DOCK3: variants seen among roughly 807,000 people sequenced by gnomAD.
DOCK3 encodes the protein dedicator of cytokinesis protein 3.
In DOCK3, 60 loss-of-function variants were observed where a neutral mutation model predicts 265.6. The observed-to-expected ratio is 0.23, with a 90% CI of 0.18 to 0.28. The LOEUF is 0.28. DOCK3 is among the 10% of genes least tolerant of loss of function. The probability of loss-of-function intolerance (pLI) is 1.00; values close to 1 mark genes in which losing one functional copy is unlikely to be tolerated. For missense variants in DOCK3, 1,981 were observed against 2,594.3 expected (o/e 0.76, Z 5.14); for synonymous variants, 881 against 938.0 (o/e 0.94, Z 1.11).
At chr3:51,164,040 T>G (rs1381431018) in intron 12 of DOCK3, among the ~76,000 whole-genome samples, 1 of 152,214 alleles carries the variant, frequency 6.6e-6, no homozygotes, top group Non-Finnish European at 1.5e-5. Flanking sequence ...TGCATCATTC[T>G]TTGACACTTT....
chr3:50,877,485 G>T (rs772362882), intron 3 of DOCK3: 1 of 520,036 alleles, frequency 1.9e-6, no homozygotes, highest in South Asian at 1.4e-5. Context: ...TATTTCATTT[G>T]TTCTGTCAGT....
At chr3:51,172,411 C>G (rs1410355190) in intron 12 of DOCK3, among the ~76,000 whole-genome samples, 1 of 152,136 alleles carries the variant, frequency 6.6e-6, no homozygotes, top group Admixed American at 6.5e-5. Flanking sequence ...CTCCTGACCT[C>G]GTCATCTGCC....
chr3:50,971,692 A>C (rs932600629), intron 5 of DOCK3, among the ~76,000 whole-genome samples: 1 of 150,026 alleles, frequency 6.7e-6, no homozygotes, highest in African/African-American at 2.4e-5. Flanking sequence ...TGCTAGACAG[A>C]TAAAGGACTT....
rs368854426 is a variant in DOCK3, at chr3:51,198,527, T to G, written c.1038-10247T>G. ...TCTTAGAGCAGAGGATACAGAGCAG[T>G]GGGGTTTCTTTTGAATGTGATATTA... On this transcript the variant is annotated intron_variant, in intron 12 of 52. Coordinates refer to ENST00000266037, the MANE Select transcript of DOCK3 (RefSeq NM_004947.5). Among the ~76,000 whole-genome samples the G allele has an allele frequency of 2.1e-3, 281 of 135,788 alleles. 5 individuals carry two copies. In the South Asian group the frequency reaches 0.063, roughly 31 times the overall value. The allele number at this position is 135,788 out of a possible 152,430, so 89.1% of individuals were successfully genotyped here. A position where few individuals can be genotyped will look rare whatever the true frequency, so the allele number is the denominator to read the frequency against.
In DOCK3 at chr3:51,280,224, T is replaced by A. The variant is rs1268093524; in HGVS notation, c.2922+20T>A. On this transcript the variant is annotated intron_variant, in intron 27 of 52. Transcript: ENST00000266037. ...CTCAAGGTAGGCAGTAGAACACCTTTCCTCTGGGAGAGGAAGTGTGCAGCC... is the reference window on the plus strand; with the variant it reads ...CTCAAGGTAGGCAGTAGAACACCTTACCTCTGGGAGAGGAAGTGTGCAGCC... 6.2e-7 allele frequency: 1 copy of A among 1,607,008 alleles called. No homozygotes were observed. The highest frequency in any genetic ancestry group is 1.3e-5 in the African/African-American group (1 of 74,808).
intron 3 of DOCK3, among the ~76,000 whole-genome samples, chr3:50,882,077 A>T (rs902935305): frequency 1.3e-5 from 2 of 152,196 alleles, no homozygotes; most frequent in African/African-American, 4.8e-5. Context: ...AGAAAGCTGA[A>T]ACTGGATCCC....
intron 6 of DOCK3, among the ~76,000 whole-genome samples, chr3:51,065,828 G>C (rs1031147883): frequency 6.6e-6 from 1 of 152,156 alleles, no homozygotes; most frequent in African/African-American, 2.4e-5. Flanking sequence ...TTTTAAGTTT[G>C]AATGGACAAT....
chr3:50,814,440 T>C (rs2043951687), intron 2 of DOCK3, among the ~76,000 whole-genome samples: 1 of 152,002 alleles, frequency 6.6e-6, no homozygotes, highest in Admixed American at 6.6e-5. Flanking sequence ...CTAATTTTTT[T>C]TTTTTGGTAG....
rs56084027 is a variant in DOCK3, at chr3:51,281,274, A to AATATATATATATATAT, written c.2922+1087_2922+1102dup. Among the ~76,000 whole-genome samples, 543 of 125,546 alleles carry AATATATATATATATAT rather than the reference A, an allele frequency of 4.3e-3. 10 individuals carry two copies. The highest frequency in any genetic ancestry group is 0.016 in the African/African-American group (519 of 32,748). 82.4% of individuals were successfully genotyped at this position (125,546 alleles called of 152,430 possible). A position where few individuals can be genotyped will look rare whatever the true frequency, so the allele number is the denominator to read the frequency against. Reference sequence around the variant, plus strand: ...ACACTAACGATAGCTGATGAGCTAAAATATATATATATATATATATATATA... The same window carrying AATATATATATATATAT: ...ACACTAACGATAGCTGATGAGCTAAAATATATATATATATATATATATATATATATATATATATATA... On this transcript the variant is annotated intron_variant, in intron 27 of 52. Coordinates refer to ENST00000266037, the MANE Select transcript of DOCK3 (RefSeq NM_004947.5).
intron 9 of DOCK3, among the ~76,000 whole-genome samples, chr3:51,118,618 C>G (rs1248701757): frequency 6.6e-6 from 1 of 152,158 alleles, no homozygotes; most frequent in Non-Finnish European, 1.5e-5. Flanking sequence ...TCCCTAAGAA[C>G]TTGCTTTATG....
At chr3:50,728,326 A>C (rs949409619) in intron 1 of DOCK3, among the ~76,000 whole-genome samples, 2 of 152,208 alleles carry the variant, frequency 1.3e-5, no homozygotes, top group Non-Finnish European at 2.9e-5. Context: ...GCTGAGAAGA[A>C]ATTTTATAGT....
intron 5 of DOCK3, among the ~76,000 whole-genome samples, chr3:50,942,677 T>C (rs2076326792): frequency 6.6e-6 from 1 of 152,034 alleles, no homozygotes; most frequent in Non-Finnish European, 1.5e-5. Flanking sequence ...GTCAAATAAA[T>C]TATTCTAAAA....
At chr3:51,379,459 A>G in intron 51 of DOCK3, 10 of 985,480 alleles carry the variant, frequency 1.0e-5, no homozygotes, top group Non-Finnish European at 1.2e-5. Context: ...CTGTGCCAGC[A>G]GCCCCCAGCA....
intron 5 of DOCK3, among the ~76,000 whole-genome samples, chr3:50,986,180 G>A (rs1286433045): frequency 6.6e-6 from 1 of 152,064 alleles, no homozygotes; most frequent in Non-Finnish European, 1.5e-5. Context: ...AAGAATACAA[G>A]ATAAATGACC....
At chr3:50,893,721 T>C (rs1299669695) in intron 4 of DOCK3, among the ~76,000 whole-genome samples, 1 of 151,864 alleles carries the variant, frequency 6.6e-6, no homozygotes, top group Non-Finnish European at 1.5e-5. Context: ...AGGAAACTTA[T>C]TTAAAGAAAC....
intron 49 of DOCK3, among the ~76,000 whole-genome samples, chr3:51,365,769 G>A (rs1399243426): frequency 1.3e-5 from 2 of 152,214 alleles, no homozygotes; most frequent in East Asian, 3.8e-4. Context: ...CTTTGGTTCT[G>A]TTTATATGAT....
chr3:51,101,759 G>A (rs954968116), intron 9 of DOCK3, among the ~76,000 whole-genome samples: 9 of 152,260 alleles, frequency 5.9e-5, no homozygotes, highest in South Asian at 2.1e-4. Flanking sequence ...AAAAGGCTTC[G>A]TGTAGAATCC....
chr3:51,260,246 A>G lies in DOCK3; in HGVS notation c.2275A>G (p.Ser759Gly). 2 of 1,613,960 alleles carry G rather than the reference A, an allele frequency of 1.2e-6. No homozygotes were observed. The highest frequency in any genetic ancestry group is 1.7e-6 in the Non-Finnish European group (2 of 1,179,882). Residue 759 changes from serine to glycine, a missense_variant, in exon 23 of 53, where the codon AGT becomes GGT. By Grantham distance (56) the Ser-to-Gly change is moderately conservative. Coordinates refer to ENST00000266037, the MANE Select transcript of DOCK3 (RefSeq NM_004947.5). ...AATGGAAGAGGAACAATTCAGATCC[A>G]GTATCCAAGAACTTTTCCAGTCCAT... ...CGMEEEQFRS[S>G]IQELFQSIRF...
At chr3:51,380,978 G>A (rs2088584062) in intron 52 of DOCK3, 72 bp from the exon 53 acceptor site, 5 of 1,499,798 alleles carry the variant, frequency 3.3e-6, no homozygotes, top group Non-Finnish European at 2.7e-6. Context: ...GCAGGCTCTT[G>A]GTCTTCCTAT....
Sources: gnomAD v4.1 joint callset for allele counts (sites outside exome capture counted in the v4.1 genomes callset) on GRCh38, gnomAD v4.1.1 for gene constraint, MANE v1.5 for transcripts, NCBI Gene and HGNC (gene_info 2026-07-23, HGNC 2026-07-21) for gene names.